Variants in KCNH7 observed in about 807,000 individuals in gnomAD.
The protein encoded by KCNH7 is voltage-gated inwardly rectifying potassium channel KCNH7.
A neutral mutation model predicts 120.8 loss-of-function variants in KCNH7; 49 were observed. The observed-to-expected ratio is 0.41, with a 90% CI of 0.32 to 0.51. KCNH7 has a LOEUF of 0.51. Ranked by LOEUF, KCNH7 falls within the 20% of genes least tolerant of loss-of-function variation. The pLI is 0.38. For missense variants in KCNH7, 1,097 were observed against 1,446.6 expected, an observed-to-expected ratio of 0.76 and a Z score of 3.92; for synonymous variants, 547 against 516.1, an observed-to-expected ratio of 1.06 and a Z score of -0.81.
At chr2:162,566,067 C>T (rs576445253) in intron 2 of KCNH7, among the ~76,000 whole-genome samples, 1 of 152,066 alleles carries the variant, frequency 6.6e-6, no homozygotes, top group African/African-American at 2.4e-5. Context: ...CCATGACCTG[C>T]CACTTTAATG....
chr2:162,769,562 G>T (rs1574364672), intron 2 of KCNH7, among the ~76,000 whole-genome samples: 1 of 152,046 alleles, frequency 6.6e-6, no homozygotes, highest in Non-Finnish European at 1.5e-5. Context: ...CATCTCCAAG[G>T]AAAAGGTAGA....
intron 2 of KCNH7, among the ~76,000 whole-genome samples, chr2:162,624,415 G>A (rs1242210963): frequency 6.6e-6 from 1 of 152,094 alleles, no homozygotes; most frequent in Non-Finnish European, 1.5e-5. Flanking sequence ...CATGGATTAG[G>A]AGGAAGGGCT....
chr2:162,583,215 T>A (rs1435484141), intron 2 of KCNH7, among the ~76,000 whole-genome samples: 1 of 152,004 alleles, frequency 6.6e-6, no homozygotes, highest in Non-Finnish European at 1.5e-5. Context: ...ATACTTCAGG[T>A]AGGTGAGCAG....
intron 2 of KCNH7, among the ~76,000 whole-genome samples, chr2:162,730,976 T>C (rs572601375): frequency 6.6e-6 from 1 of 151,936 alleles, no homozygotes; most frequent in Non-Finnish European, 1.5e-5. Flanking sequence ...TGACCTAATA[T>C]GAAAATTAAA....
At chr2:162,487,782 T>G (rs1204573531) in intron 6 of KCNH7, among the ~76,000 whole-genome samples, 1 of 152,194 alleles carries the variant, frequency 6.6e-6, no homozygotes, top group African/African-American at 2.4e-5. Flanking sequence ...TTTACCTTTC[T>G]ATATGGGATT....
At chr2:162,500,581 G>A (rs1013684433) in intron 6 of KCNH7, among the ~76,000 whole-genome samples, 8 of 151,810 alleles carry the variant, frequency 5.3e-5, no homozygotes, top group Admixed American at 4.6e-4. Flanking sequence ...CAGGAGCAGC[G>A]ATTATTCTTT....
chr2:162,693,053 A>T (rs1457176378), intron 2 of KCNH7, among the ~76,000 whole-genome samples: 1 of 152,204 alleles, frequency 6.6e-6, no homozygotes, highest in Non-Finnish European at 1.5e-5. Context: ...CCACACAGAT[A>T]ATAATGTTGA....
chr2:162,446,925 C>T (rs549844123), intron 6 of KCNH7, among the ~76,000 whole-genome samples: 1 of 151,964 alleles, frequency 6.6e-6, no homozygotes, highest in Non-Finnish European at 1.5e-5. Context: ...ATAAATTAAA[C>T]CCAACTCATT....
intron 2 of KCNH7, among the ~76,000 whole-genome samples, chr2:162,577,093 T>G (rs906777163): frequency 5.3e-5 from 8 of 151,752 alleles, no homozygotes; most frequent in African/African-American, 1.9e-4. Context: ...TTAAAAAATT[T>G]TTTTTTTGTA....
chr2:162,650,796 A>G (rs1339749368), intron 2 of KCNH7, among the ~76,000 whole-genome samples: 1 of 152,108 alleles, frequency 6.6e-6, no homozygotes, highest in Admixed American at 6.6e-5. Flanking sequence ...TCATTCTCCC[A>G]TATAATATCT....
At chr2:162,709,019 T>C (rs530837280) in intron 2 of KCNH7, among the ~76,000 whole-genome samples, 2 of 152,204 alleles carry the variant, frequency 1.3e-5, no homozygotes, top group East Asian at 3.9e-4. Context: ...GGTTAGACTT[T>C]ATGATGGAGA....
intron 2 of KCNH7, among the ~76,000 whole-genome samples, chr2:162,609,170 A>G (rs1682878068): frequency 6.6e-6 from 1 of 152,140 alleles, no homozygotes; most frequent in Non-Finnish European, 1.5e-5. Flanking sequence ...TTCCTACACA[A>G]ACCCAAAGTA....
intron 5 of KCNH7, among the ~76,000 whole-genome samples, chr2:162,508,216 A>T (rs1209206440): frequency 1.3e-5 from 2 of 151,522 alleles, no homozygotes; most frequent in East Asian, 2.0e-4. Context: ...CTGGTTGATA[A>T]AATGTCATAC....
intron 2 of KCNH7, among the ~76,000 whole-genome samples, chr2:162,802,717 T>C (rs1684394002): frequency 6.6e-6 from 1 of 151,806 alleles, no homozygotes; most frequent in Non-Finnish European, 1.5e-5. Context: ...CAGTAATTAT[T>C]AATGGGATAT....
At chr2:162,784,178 A>T (rs1174915931) in intron 2 of KCNH7, among the ~76,000 whole-genome samples, 1 of 152,162 alleles carries the variant, frequency 6.6e-6, no homozygotes, top group South Asian at 2.1e-4. Flanking sequence ...ATGAAAAAAA[A>T]ATATGCTACT....
intron 2 of KCNH7, among the ~76,000 whole-genome samples, chr2:162,658,901 A>G (rs1449724088): frequency 1.3e-5 from 2 of 152,176 alleles, no homozygotes; most frequent in African/African-American, 4.8e-5. Flanking sequence ...CTACACAGAC[A>G]ATAATGCCAT....
intron 2 of KCNH7, among the ~76,000 whole-genome samples, chr2:162,579,060 GA>G (rs1470039537): frequency 6.6e-6 from 1 of 151,858 alleles, no homozygotes; most frequent in Non-Finnish European, 1.5e-5. Flanking sequence ...TTAGCATGAA[GA>G]AAAATGTGTC....
chr2:162,827,863 A>C (rs2105609037), intron 2 of KCNH7, among the ~76,000 whole-genome samples: 1 of 152,258 alleles, frequency 6.6e-6, no homozygotes, highest in South Asian at 2.1e-4. Context: ...GCTGTCATGA[A>C]AATCACTGAA....
intron 7 of KCNH7, among the ~76,000 whole-genome samples, chr2:162,442,001 T>TTTA: frequency 1.3e-5 from 1 of 74,508 alleles, no homozygotes; most frequent in South Asian, 5.3e-4. Context: ...TAGGTCTTCT[T>TTTA]TTTTTTTTTT....
Sources: gnomAD v4.1 joint callset for allele counts (sites outside exome capture counted in the v4.1 genomes callset) on GRCh38, gnomAD v4.1.1 for gene constraint, MANE v1.5 for transcripts, NCBI Gene and HGNC (gene_info 2026-07-23, HGNC 2026-07-21) for gene names.